The following FAM168A variants were observed in gnomAD, a reference collection of about 807,000 sequenced individuals.
FAM168A encodes the protein protein FAM168A.
In FAM168A, 3 loss-of-function variants were observed where a neutral mutation model predicts 28.5. The observed-to-expected ratio is 0.11, with a 90% CI of 0.05 to 0.27. FAM168A has a LOEUF of 0.27. Ranked by LOEUF, FAM168A falls within the 10% of genes least tolerant of loss-of-function variation. The pLI, the probability that FAM168A is intolerant of heterozygous loss-of-function variation, is 1.00. For synonymous variants in FAM168A, 122 were observed against 124.2 expected (o/e 0.98, Z 0.12); for missense variants, 222 against 311.5 (o/e 0.71, Z 2.16).
At chr11:73,569,893 A>G (rs1944066350) in intron 1 of FAM168A, among the ~76,000 whole-genome samples, 1 of 144,956 alleles carries the variant, frequency 6.9e-6, no homozygotes. Context: ...TCAACAGCTA[A>G]AAGTATTACA....
At chr11:73,442,272 C>T (rs574480458) in intron 2 of FAM168A, among the ~76,000 whole-genome samples, 1 of 152,064 alleles carries the variant, frequency 6.6e-6, no homozygotes, top group East Asian at 1.9e-4. Flanking sequence ...ACTACAGGCG[C>T]CCGCCACCAC....
chr11:73,559,954 G>T (rs186236898), intron 1 of FAM168A, among the ~76,000 whole-genome samples: 1 of 152,292 alleles, frequency 6.6e-6, no homozygotes, highest in African/African-American at 2.4e-5. Context: ...TGCCACAAAT[G>T]AGAACAATGT....
Position 73,506,873 on chromosome 11 carries a change from T to G in FAM168A, c.-18-38381A>C, listed in dbSNP as rs549771753. 1.2e-4 allele frequency among the ~76,000 whole-genome samples: 19 copies of G among 152,290 alleles called. No homozygotes were observed. The South Asian group carries it at 3.9e-3, about 32-fold the overall frequency. On this transcript the variant is annotated intron_variant, in intron 1 of 7. Coordinates refer to ENST00000356467, the MANE Select transcript of FAM168A (RefSeq NM_015159.3). ...CTAAATGACAAATTCATAAAAAGCT[T>G]CATTCACATATATTGCTTTCCCCAC...
chr11:73,585,673 G>C (rs1230027243), intron 1 of FAM168A, among the ~76,000 whole-genome samples: 1 of 152,048 alleles, frequency 6.6e-6, no homozygotes, highest in African/African-American at 2.4e-5. Context: ...TTTGAGACCA[G>C]CTTGGACAAC....
chr11:73,470,872 G>C (rs772682423), intron 1 of FAM168A, among the ~76,000 whole-genome samples: 51 of 152,290 alleles, frequency 3.3e-4, no homozygotes, highest in Non-Finnish European at 4.7e-4. Flanking sequence ...TTGCTGATTG[G>C]ACAAAGTACA....
chr11:73,464,796 T>A (rs1867707817), intron 2 of FAM168A, among the ~76,000 whole-genome samples: 2 of 152,182 alleles, frequency 1.3e-5, no homozygotes, highest in Admixed American at 1.3e-4. Context: ...CACAAGTCAG[T>A]GGCTAGCCCT....
At chr11:73,594,353 G>T (rs1321887872) in intron 1 of FAM168A, among the ~76,000 whole-genome samples, 1 of 151,586 alleles carries the variant, frequency 6.6e-6, no homozygotes, top group Non-Finnish European at 1.5e-5. Flanking sequence ...TCCCAGCTCA[G>T]CCTCCCAAAG....
intron 1 of FAM168A, among the ~76,000 whole-genome samples, chr11:73,528,184 T>C (rs1373629473): frequency 6.6e-6 from 1 of 152,212 alleles, no homozygotes; most frequent in Non-Finnish European, 1.5e-5. Flanking sequence ...CCATGTGCAA[T>C]ACTCTTGTCA....
intron 7 of FAM168A, 107 bp from the exon 8 acceptor site, chr11:73,406,851 C>G (rs1366210520): frequency 1.3e-5 from 2 of 152,412 alleles, no homozygotes; most frequent in African/African-American, 4.8e-5. Context: ...TGCCTCCCGC[C>G]TGTGGAAGTT....
chr11:73,535,701 G>A (rs1176558176), intron 1 of FAM168A, among the ~76,000 whole-genome samples: 1 of 149,354 alleles, frequency 6.7e-6, no homozygotes, highest in African/African-American at 2.5e-5. Flanking sequence ...TTACAGGCGT[G>A]AGCCACCGCA....
chr11:73,509,972 C>T (rs1389698682), intron 1 of FAM168A, among the ~76,000 whole-genome samples: 2 of 152,086 alleles, frequency 1.3e-5, no homozygotes, highest in Non-Finnish European at 2.9e-5. Context: ...TTCCCTTTAC[C>T]GCCATTCACT....
chr11:73,472,191 G>A (rs543420181), intron 1 of FAM168A, among the ~76,000 whole-genome samples: 1 of 152,276 alleles, frequency 6.6e-6, no homozygotes, highest in South Asian at 2.1e-4. Context: ...AGGCTGCTTA[G>A]GGAGTGCTAA....
chr11:73,493,292 C>G (rs1441783434), intron 1 of FAM168A, among the ~76,000 whole-genome samples: 2 of 152,102 alleles, frequency 1.3e-5, no homozygotes, highest in Non-Finnish European at 2.9e-5. Flanking sequence ...AAGTGCTAAA[C>G]GAACTTTACA....
At chr11:73,422,463 ATTAG>A in intron 3 of FAM168A, among the ~76,000 whole-genome samples, 1 of 152,344 alleles carries the variant, frequency 6.6e-6, no homozygotes, top group Admixed American at 6.5e-5. Context: ...TGACCTCCCC[ATTAG>A]TTAGTTGTAC....
At chr11:73,473,181 G>A (rs1275314715) in intron 1 of FAM168A, among the ~76,000 whole-genome samples, 1 of 152,006 alleles carries the variant, frequency 6.6e-6, no homozygotes, top group African/African-American at 2.4e-5. Context: ...TTACAGATAA[G>A]TAAACTTAAG....
chr11:73,522,643 G>A (rs1265862860), intron 1 of FAM168A, among the ~76,000 whole-genome samples: 1 of 151,630 alleles, frequency 6.6e-6, no homozygotes, highest in Non-Finnish European at 1.5e-5. Context: ...GCCAGGAACT[G>A]GGGTCATTAG....
Position 73,419,857 on chromosome 11 carries a change from A to G in FAM168A, c.277+17T>C, listed in dbSNP as rs927392030. 1.9e-6 allele frequency: 3 copies of G among 1,613,644 alleles called. No homozygotes were observed. The highest frequency in any genetic ancestry group is 3.3e-5 in the Admixed American group (2 of 60,000). On this transcript the variant is annotated intron_variant, in intron 4 of 7. Coordinates refer to ENST00000356467, the MANE Select transcript of FAM168A (RefSeq NM_015159.3). ...CCCAACCAAGGGGAACAAGGAAATG[A>G]GACAGGCTGTATTTACTGAAAGCCG...
At chr11:73,415,288 A>T (rs1281495278) in intron 4 of FAM168A, among the ~76,000 whole-genome samples, 3 of 152,218 alleles carry the variant, frequency 2.0e-5, no homozygotes, top group African/African-American at 7.2e-5. Context: ...AGACTCAGAG[A>T]TCATTAAGAC....
intron 1 of FAM168A, among the ~76,000 whole-genome samples, chr11:73,517,595 C>G (rs1293129226): frequency 1.3e-5 from 2 of 152,004 alleles, no homozygotes; most frequent in Non-Finnish European, 2.9e-5. Flanking sequence ...ATTAGTTCTT[C>G]GGAAGGTACA....
Sources: gnomAD v4.1 joint callset for allele counts (sites outside exome capture counted in the v4.1 genomes callset) on GRCh38, gnomAD v4.1.1 for gene constraint, MANE v1.5 for transcripts, NCBI Gene and HGNC (gene_info 2026-07-23, HGNC 2026-07-21) for gene names.